The following GPR107 variants were observed in gnomAD, a reference collection of about 807,000 sequenced individuals.
The protein encoded by GPR107 is G protein-coupled receptor 107.
GPR107 carries 31 observed loss-of-function variants against 75.5 expected under a neutral mutation model. The ratio of observed to expected loss-of-function variants is 0.41; its 90% CI spans 0.31 to 0.55. The LOEUF is 0.55. Ranked by LOEUF, GPR107 falls within the 20% of genes least tolerant of loss-of-function variation. The probability of loss-of-function intolerance (pLI) is 0.26; values close to 1 mark genes in which losing one functional copy is unlikely to be tolerated. For synonymous variants in GPR107, 267 were observed against 251.3 expected (o/e 1.06, Z -0.59); for missense variants, 572 against 665.7 (o/e 0.86, Z 1.55).
In GPR107 at chr9:130,139,387, T is replaced by TATC. The variant is rs1832039543; in HGVS notation, c.*4267_*4269dup. 6.6e-6 allele frequency: 1 copy of TATC among 152,176 alleles called. No homozygotes were observed. Among genetic ancestry groups the TATC allele is most frequent in the South Asian group, 2.1e-4 (1 of 4,832 alleles). 9.4% of individuals were successfully genotyped at this position (152,176 alleles called of 1,614,324 possible). On this transcript the variant is annotated 3_prime_UTR_variant, in exon 18 of 18. Coordinates refer to ENST00000347136, the MANE Select transcript of GPR107 (RefSeq NM_020960.5). ...TACTTGTCACCACCTGGAACGTAGT[T>TATC]ATCGGTCGGCAGGCTGAACATACTC...
chr9:130,095,729 G>T (rs1830851737), intron 9 of GPR107, among the ~76,000 whole-genome samples: 1 of 152,054 alleles, frequency 6.6e-6, no homozygotes, highest in Non-Finnish European at 1.5e-5. Context: ...GTTAAATGAG[G>T]CTGACCTATT....
At chr9:130,056,651 C>T (rs1383583115) in intron 1 of GPR107, among the ~76,000 whole-genome samples, 3 of 151,436 alleles carry the variant, frequency 2.0e-5, no homozygotes, top group Non-Finnish European at 4.4e-5. Flanking sequence ...TTTGGCTGGG[C>T]GCAGTGGCTC....
chr9:130,123,525 C>CTTTCT (rs1564684318), intron 14 of GPR107, among the ~76,000 whole-genome samples: 2 of 135,536 alleles, frequency 1.5e-5, no homozygotes, highest in Non-Finnish European at 3.2e-5. Context: ...TCTTTCTTTT[C>CTTTCT]TTTTCTTTTT....
intron 14 of GPR107, among the ~76,000 whole-genome samples, chr9:130,122,187 A>G (rs1257029194): frequency 6.6e-6 from 1 of 152,196 alleles, no homozygotes; most frequent in Non-Finnish European, 1.5e-5. Flanking sequence ...CGCCGCGCCC[A>G]GCCTCAGGAG....
At chr9:130,131,192 G>A (rs1474591848) in intron 17 of GPR107, among the ~76,000 whole-genome samples, 1 of 152,138 alleles carries the variant, frequency 6.6e-6, no homozygotes, top group East Asian at 1.9e-4. Flanking sequence ...AGGCTTTTGG[G>A]TGTTCATCTG....
chr9:130,127,533 C>T lies in GPR107; in HGVS notation c.1407C>T (p.Leu469=), dbSNP rs777585640. Reference sequence around the variant, plus strand: ...GGATCATTGCATTTCTCCTCAAACTCGCTGTTCCATTCCAGTGGAAGTGGC... The same window carrying T: ...GGATCATTGCATTTCTCCTCAAACTTGCTGTTCCATTCCAGTGGAAGTGGC... ...FTRIIAFLLK[L]AVPFQWKWLY... Residue 469 remains leucine, a synonymous_variant, in exon 16 of 18, where the codon CTC becomes CTT. Coordinates refer to ENST00000347136, the MANE Select transcript of GPR107 (RefSeq NM_020960.5). 71 of 1,602,736 alleles carry T rather than the reference C, an allele frequency of 4.4e-5. No homozygotes were observed. The South Asian group carries it at 7.3e-4, about 16-fold the overall frequency.
intron 14 of GPR107, among the ~76,000 whole-genome samples, chr9:130,124,580 GA>G (rs1393866580): frequency 5.3e-5 from 8 of 152,284 alleles, no homozygotes; most frequent in South Asian, 2.1e-4. Flanking sequence ...TCTCTGGGGG[GA>G]AAAAATTCCT....
chr9:130,133,206 T>C (rs1831871322), intron 17 of GPR107: 1 of 152,212 alleles, frequency 6.6e-6, no homozygotes, highest in Admixed American at 6.5e-5. Context: ...ATGAGGCCTG[T>C]CTTGAAGAAT....
At chr9:130,084,726 T>C (rs1830575048) in intron 6 of GPR107, among the ~76,000 whole-genome samples, 1 of 150,216 alleles carries the variant, frequency 6.7e-6, no homozygotes, top group African/African-American at 2.5e-5. Flanking sequence ...CAGTGAGCTA[T>C]GATTGTGCCA....
At chr9:130,079,430 C>T (rs1830439564) in intron 4 of GPR107, among the ~76,000 whole-genome samples, 200 bp from the exon 5 acceptor site, 2 of 152,242 alleles carry the variant, frequency 1.3e-5, no homozygotes, top group Non-Finnish European at 2.9e-5. Flanking sequence ...CGTCCAACTA[C>T]TTCCTAGCTT....
At chr9:130,061,560 C>T (rs138198387) in intron 1 of GPR107, among the ~76,000 whole-genome samples, 299 of 152,222 alleles carry the variant, frequency 2.0e-3, no homozygotes, top group Admixed American at 6.0e-3. Context: ...GGATTTTATT[C>T]TGCGTGATGA....
chr9:130,115,423 A>G (rs1463634477), intron 14 of GPR107, among the ~76,000 whole-genome samples: 1 of 151,934 alleles, frequency 6.6e-6, no homozygotes, highest in African/African-American at 2.4e-5. Context: ...TTCCACTGGA[A>G]TGGACCTCAA....
At chr9:130,080,471 GTTTATTTATTTATTTA>G (rs59817565) in intron 5 of GPR107, among the ~76,000 whole-genome samples, 1 of 146,604 alleles carries the variant, frequency 6.8e-6, no homozygotes, top group East Asian at 2.0e-4. Flanking sequence ...AGGTATTCCT[GTTTATTTATTTATTTA>G]TTTATTTATT....
chr9:130,132,823 A>C (rs1354632619), intron 17 of GPR107, among the ~76,000 whole-genome samples: 7 of 89,298 alleles, frequency 7.8e-5, no homozygotes, highest in African/African-American at 2.9e-4. Context: ...ATATATTTTT[A>C]TATATTTATA....
chr9:130,084,709 A>G (rs1479410903), intron 6 of GPR107, among the ~76,000 whole-genome samples: 3 of 151,694 alleles, frequency 2.0e-5, no homozygotes, highest in Admixed American at 6.6e-5. Context: ...CTGGGAGGCT[A>G]AGGCTACAGT....
chr9:130,074,139 T>A (rs1195659533), intron 1 of GPR107, among the ~76,000 whole-genome samples: 2 of 152,150 alleles, frequency 1.3e-5, no homozygotes, highest in African/African-American at 4.8e-5. Context: ...TGGAACTGTG[T>A]CCCTCTGCTT....
chr9:130,085,783 CGCAGTCTTGCTCTA>C (rs1830602409), intron 6 of GPR107, among the ~76,000 whole-genome samples: 3 of 27,644 alleles, frequency 1.1e-4, no homozygotes, highest in Admixed American at 4.0e-4. Context: ...CCGGGGGGAA[CGCAGTCTTGCTCTA>C]CCACCCAGGC....
chr9:130,068,142 T>C (rs1327024615), intron 1 of GPR107, among the ~76,000 whole-genome samples: 1 of 152,108 alleles, frequency 6.6e-6, no homozygotes, highest in African/African-American at 2.4e-5. Flanking sequence ...CTTTTGGATC[T>C]GATTTTTGTT....
chr9:130,114,027 TTC>T lies in GPR107; in HGVS notation c.1306+6490_1306+6491del, dbSNP rs1227179625. 1.0e-3 allele frequency among the ~76,000 whole-genome samples: 94 copies of T among 91,642 alleles called. 1 individual carries two copies. The highest frequency in any genetic ancestry group is 3.5e-3 in the African/African-American group (91 of 26,002). The allele number at this position is 91,642 out of a possible 152,430, so 60.1% of individuals were successfully genotyped here. Reference sequence around the variant, plus strand: ...TACAAAAATAATTCTGGTCTTCTCATTCTTTTTTTTTTTTTTTTTTTTCATTT... The same window carrying T: ...TACAAAAATAATTCTGGTCTTCTCATTTTTTTTTTTTTTTTTTTTTCATTT... On this transcript the variant is annotated intron_variant, in intron 14 of 17. Transcript: ENST00000347136.
Sources: gnomAD v4.1 joint callset for allele counts (sites outside exome capture counted in the v4.1 genomes callset) on GRCh38, gnomAD v4.1.1 for gene constraint, MANE v1.5 for transcripts, NCBI Gene and HGNC (gene_info 2026-07-23, HGNC 2026-07-21) for gene names.